Variants in FNDC3B observed in about 807,000 individuals in gnomAD.
FNDC3B encodes the protein fibronectin type III domain containing 3B.
Under a neutral mutation model 151.5 loss-of-function variants are expected in FNDC3B, and 12 were observed. The observed-to-expected ratio is 0.08, with a 90% CI of 0.05 to 0.13. The LOEUF (loss-of-function observed/expected upper bound fraction) is 0.13, where lower values mean the gene tolerates loss of function less well. FNDC3B is among the 10% of genes least tolerant of loss of function. FNDC3B has a pLI of 1.00. For synonymous variants in FNDC3B, 528 were observed against 549.0 expected (o/e 0.96, Z 0.54); for missense variants, 1,214 against 1,505.3 (o/e 0.81, Z 3.20).
chr3:172,391,563 AC>A (rs1232573438), intron 25 of FNDC3B, among the ~76,000 whole-genome samples: 9 of 152,346 alleles, frequency 5.9e-5, no homozygotes, highest in African/African-American at 1.9e-4. Flanking sequence ...CTTAATGACT[AC>A]ATTATTTGAC....
intron 3 of FNDC3B, chr3:172,134,319 G>T: frequency 1.9e-6 from 1 of 514,246 alleles, no homozygotes; most frequent in Non-Finnish European, 3.9e-6. Flanking sequence ...TTCTGTGTAG[G>T]AAGATCAACC....
At chr3:172,149,984 A>G (rs1722137993) in intron 3 of FNDC3B, among the ~76,000 whole-genome samples, 1 of 151,746 alleles carries the variant, frequency 6.6e-6, no homozygotes, top group African/African-American at 2.4e-5. Context: ...GTGCCCAGCT[A>G]ATTTTTGTAT....
chr3:172,321,629 CT>C (rs1732085888), intron 11 of FNDC3B: 1 of 190,224 alleles, frequency 5.3e-6, no homozygotes, highest in African/African-American at 2.4e-5. Context: ...CAGCGTCTGC[CT>C]CCCGGGTGCA....
At chr3:172,205,750 G>A (rs776459589) in intron 3 of FNDC3B, among the ~76,000 whole-genome samples, 2 of 152,230 alleles carry the variant, frequency 1.3e-5, no homozygotes, top group South Asian at 2.1e-4. Context: ...AGGAGGCTAA[G>A]ATCAGAAAGA....
At chr3:172,201,038 A>G (rs891361637) in intron 3 of FNDC3B, among the ~76,000 whole-genome samples, 6 of 152,222 alleles carry the variant, frequency 3.9e-5, no homozygotes. Flanking sequence ...ACACTTGTTA[A>G]TGGAAACCAA....
intron 6 of FNDC3B, among the ~76,000 whole-genome samples, chr3:172,275,275 T>G (rs1729378177): frequency 1.3e-5 from 2 of 152,172 alleles, no homozygotes; most frequent in Admixed American, 1.3e-4. Flanking sequence ...AACTGCATCT[T>G]TAAATAGAAC....
At chr3:172,378,702 A>C (rs1735280838) in intron 24 of FNDC3B, among the ~76,000 whole-genome samples, 1 of 152,194 alleles carries the variant, frequency 6.6e-6, no homozygotes, top group African/African-American at 2.4e-5. Flanking sequence ...CTGGTGCTGC[A>C]ACCCTTAAGA....
Position 172,398,073 on chromosome 3 carries a change from A to C in FNDC3B, c.*598A>C. ...GTACTTTAATCTAAAATGTTTTAATAATCTGTATTTCTTATAATTTTAACA... is the reference window on the plus strand; with the variant it reads ...GTACTTTAATCTAAAATGTTTTAATCATCTGTATTTCTTATAATTTTAACA... On this transcript the variant is annotated 3_prime_UTR_variant, in exon 26 of 26. Transcript: ENST00000415807. 1 of 152,768 alleles carries C rather than the reference A, an allele frequency of 6.5e-6. No homozygotes were observed. Among genetic ancestry groups the C allele is most frequent in the South Asian group, 2.1e-4 (1 of 4,830 alleles). The allele number at this position is 152,768 out of a possible 1,614,324, so 9.5% of individuals were successfully genotyped here.
intron 3 of FNDC3B, among the ~76,000 whole-genome samples, chr3:172,179,620 G>A (rs1321895209): frequency 1.4e-5 from 2 of 147,858 alleles, no homozygotes; most frequent in African/African-American, 2.5e-5. Flanking sequence ...GGTGGCTCCC[G>A]GCTGTAATTC....
At chr3:172,114,486 CAT>C (rs1053011659) in intron 2 of FNDC3B, among the ~76,000 whole-genome samples, 3 of 152,168 alleles carry the variant, frequency 2.0e-5, no homozygotes, top group Non-Finnish European at 2.9e-5. Flanking sequence ...ATTTCTCCCA[CAT>C]GTCTGTAATT....
chr3:172,232,345 A>G (rs1194174041), intron 4 of FNDC3B, among the ~76,000 whole-genome samples: 1 of 152,276 alleles, frequency 6.6e-6, no homozygotes, highest in Non-Finnish European at 1.5e-5. Flanking sequence ...AAAATTGGTC[A>G]AATCTGACAA....
At chr3:172,377,938 A>T (rs1349809085) in intron 23 of FNDC3B, among the ~76,000 whole-genome samples, 1 of 152,174 alleles carries the variant, frequency 6.6e-6, no homozygotes, top group African/African-American at 2.4e-5. Context: ...ACACTACCAG[A>T]TTATAGATAT....
chr3:172,331,079 T>C (rs950321281), intron 13 of FNDC3B, among the ~76,000 whole-genome samples: 1 of 152,236 alleles, frequency 6.6e-6, no homozygotes, highest in African/African-American at 2.4e-5. Context: ...AATATTGTTA[T>C]TGGATTATAG....
intron 3 of FNDC3B, among the ~76,000 whole-genome samples, chr3:172,189,036 C>T (rs1276205018): frequency 6.6e-6 from 1 of 152,134 alleles, no homozygotes; most frequent in East Asian, 1.9e-4. Flanking sequence ...GCATTTAAAA[C>T]TTATTTAATG....
intron 1 of FNDC3B, among the ~76,000 whole-genome samples, chr3:172,048,349 A>G (rs1716468686): frequency 6.6e-6 from 1 of 152,202 alleles, no homozygotes; most frequent in African/African-American, 2.4e-5. Context: ...GAAAATAATA[A>G]AAGTCTTTAG....
At chr3:172,261,926 A>G (rs907468068) in intron 6 of FNDC3B, among the ~76,000 whole-genome samples, 5 of 152,156 alleles carry the variant, frequency 3.3e-5, no homozygotes, top group Non-Finnish European at 7.4e-5. Context: ...TGTAGGTGTT[A>G]TTCTCAGAAA....
At chr3:172,338,725 T>G (rs766810945) in intron 16 of FNDC3B, among the ~76,000 whole-genome samples, 2 of 151,482 alleles carry the variant, frequency 1.3e-5, no homozygotes, top group East Asian at 1.9e-4. Context: ...ATTAAGGTTT[T>G]GTTTTGTTTT....
At chr3:172,103,059 T>G (rs745338134) in intron 1 of FNDC3B, among the ~76,000 whole-genome samples, 13 of 152,154 alleles carry the variant, frequency 8.5e-5, no homozygotes, top group Non-Finnish European at 1.5e-4. Flanking sequence ...GTGATATGAG[T>G]GTACCTGGAA....
intron 8 of FNDC3B, 86 bp downstream of exon 8, chr3:172,295,600 A>G: frequency 1.5e-6 from 2 of 1,327,274 alleles, no homozygotes; most frequent in African/African-American, 1.5e-5. Flanking sequence ...GGAAAACCTT[A>G]TAGGCTTGGC....
Sources: allele counts gnomAD v4.1 joint callset (sites outside exome capture counted in the v4.1 genomes callset), GRCh38; gene constraint gnomAD v4.1.1; transcripts MANE v1.5; gene names NCBI Gene and HGNC (gene_info 2026-07-23, HGNC 2026-07-21).